The following VGLL4 variants were observed in gnomAD, a reference collection of about 807,000 sequenced individuals.
VGLL4 encodes the protein transcription cofactor vestigial-like protein 4.
Under a neutral mutation model 21.0 loss-of-function variants are expected in VGLL4, and 7 were observed. That is an observed-to-expected ratio of 0.33 (90% CI 0.19 to 0.63). VGLL4 has a LOEUF of 0.63. Ranked by LOEUF, VGLL4 falls within the 20% of genes least tolerant of loss-of-function variation. The pLI, the probability that VGLL4 is intolerant of heterozygous loss-of-function variation, is 0.78. For missense variants in VGLL4, 394 were observed against 425.7 expected (o/e 0.93, Z 0.66); for synonymous variants, 222 against 173.2 (o/e 1.28, Z -2.21).
upstream of VGLL4, among the ~76,000 whole-genome samples, chr3:11,720,950 C>T (rs1263406346): frequency 6.6e-6 from 1 of 152,232 alleles, no homozygotes; most frequent in Non-Finnish European, 1.5e-5. Flanking sequence ...AACCCTTGCC[C>T]TGTTGTTTTC....
intron 1 of VGLL4, among the ~76,000 whole-genome samples, chr3:11,610,942 G>A (rs972227424): frequency 2.0e-5 from 3 of 152,288 alleles, no homozygotes; most frequent in Non-Finnish European, 4.4e-5. Flanking sequence ...CCTTGCAGCC[G>A]GGGAAACTAG....
At chr3:11,711,405 G>A (rs1020899998) in intron 1 of VGLL4, among the ~76,000 whole-genome samples, 1 of 151,700 alleles carries the variant, frequency 6.6e-6, no homozygotes, top group African/African-American at 2.4e-5. Flanking sequence ...TCGACTAAAA[G>A]TACAAAAAAT....
intron 1 of VGLL4, among the ~76,000 whole-genome samples, chr3:11,634,690 T>C (rs368357163): frequency 2.9e-5 from 4 of 137,660 alleles, no homozygotes; most frequent in African/African-American, 8.2e-5. Flanking sequence ...TTTTTTTTTT[T>C]CTTTTGAGAC....
intron 2 of VGLL4, among the ~76,000 whole-genome samples, chr3:11,663,181 G>A (rs1263053372): frequency 6.6e-6 from 1 of 152,094 alleles, no homozygotes; most frequent in East Asian, 1.9e-4. Context: ...GATAAAGGGG[G>A]CTGGAGGATG....
At position 11,703,054 on chromosome 3, in the gene VGLL4, G is replaced by C. The variant is rs767364501; in HGVS notation, c.-13-7C>G. On this transcript the variant is annotated splice_polypyrimidine_tract_variant and splice_region_variant and intron_variant, in intron 1 of 5. Transcript: ENST00000273038. The stretch of plus-strand genomic sequence containing the variant: ...CTCCATTCCTGGTTGGAGCCTAAGA[G>C]GAAAAAATAAAAGGGGAAAAAATAA... 2.9e-5 allele frequency: 45 copies of C among 1,560,690 alleles called. No individual in the cohort carries two copies. The South Asian group carries it at 4.8e-4, about 17-fold the overall frequency.
chr3:11,584,445 CGA>C (rs1037579880), intron 2 of VGLL4, among the ~76,000 whole-genome samples: 12 of 151,672 alleles, frequency 7.9e-5, no homozygotes, highest in African/African-American at 2.9e-4. Flanking sequence ...GGGAAGATGC[CGA>C]GAGAGAGACA....
At chr3:11,669,136 G>T (rs1482450476) in intron 2 of VGLL4, among the ~76,000 whole-genome samples, 3 of 152,204 alleles carry the variant, frequency 2.0e-5, no homozygotes, top group Admixed American at 2.0e-4. Flanking sequence ...TAGCCACATG[G>T]CTTAGAATAA....
At chr3:11,644,212 C>A (rs2075751604), upstream of VGLL4, among the ~76,000 whole-genome samples, 1 of 152,166 alleles carries the variant, frequency 6.6e-6, no homozygotes, top group Non-Finnish European at 1.5e-5. Flanking sequence ...TGGAAGCAAA[C>A]TCCCATGGAA....
At chr3:11,561,080 G>A (rs1439551220) in intron 3 of VGLL4, among the ~76,000 whole-genome samples, 1 of 152,022 alleles carries the variant, frequency 6.6e-6, no homozygotes, top group African/African-American at 2.4e-5. Flanking sequence ...AGATGGCCAG[G>A]CCCTTCCTGA....
intron 2 of VGLL4, chr3:11,582,157 G>GA: frequency 9.0e-7 from 1 of 1,111,460 alleles, no homozygotes; most frequent in Non-Finnish European, 1.3e-6. Context: ...TCTAAGCAAA[G>GA]ACTACTCTAC....
At chr3:11,666,898 C>T (rs1199343134) in intron 2 of VGLL4, among the ~76,000 whole-genome samples, 1 of 152,210 alleles carries the variant, frequency 6.6e-6, no homozygotes, top group African/African-American at 2.4e-5. Context: ...TGCATGCGCT[C>T]TCCTATCTGC....
Position 11,601,891 on chromosome 3 carries a change from C to CGTTGT in VGLL4, c.213_214insACAAC (p.Asp72ThrfsTer4), listed in dbSNP as rs1423206321. On this transcript the variant is annotated frameshift_variant, in exon 2 of 5. Coordinates refer to ENST00000430365, the MANE Select transcript of VGLL4 (RefSeq NM_001128219.3). LOFTEE classifies it high-confidence loss of function. ...ACGTGGTCGTTGTCACAGTCTAGGT[C>CGTTGT]CTCGTCACCTGGCTCCATGCTGAAC... is the stretch of plus-strand genomic sequence containing the variant. 1.2e-6 allele frequency: 2 copies of CGTTGT among 1,613,716 alleles called. No individual in the cohort carries two copies. Among genetic ancestry groups the CGTTGT allele is most frequent in the African/African-American group, 2.7e-5 (2 of 74,876 alleles).
At chr3:11,706,840 A>T (rs967531933) in intron 1 of VGLL4, among the ~76,000 whole-genome samples, 1 of 152,174 alleles carries the variant, frequency 6.6e-6, no homozygotes, top group Non-Finnish European at 1.5e-5. Context: ...CTGACTAGCT[A>T]GAACTGAAAA....
intron 1 of VGLL4, among the ~76,000 whole-genome samples, chr3:11,709,974 T>G (rs758341327): frequency 6.6e-6 from 1 of 152,212 alleles, no homozygotes; most frequent in Non-Finnish European, 1.5e-5. Flanking sequence ...TCTGCTCAGC[T>G]TCTGGTGAGA....
rs1379111512 is a variant in VGLL4, at chr3:11,643,909, G to A, written c.-391C>T. On this transcript the variant is annotated 5_prime_UTR_variant, in exon 1 of 5. Coordinates refer to ENST00000430365, the MANE Select transcript of VGLL4 (RefSeq NM_001128219.3). ...CTGCAAGCCGGCAGCGCTGACATGA[G>A]GGCTATGCTTGGCATGACTCCTATG... 2.3e-5 allele frequency: 23 copies of A among 1,016,226 alleles called. No homozygotes were observed. The highest frequency in any genetic ancestry group is 3.5e-5 in the African/African-American group (2 of 57,704). 63.0% of individuals were successfully genotyped at this position (1,016,226 alleles called of 1,614,324 possible). A position where few individuals can be genotyped will look rare whatever the true frequency, so the allele number is the denominator to read the frequency against.
At position 11,719,119 on chromosome 3, in the gene VGLL4, G is replaced by C. The variant is rs1276470211; in HGVS notation, c.-14+1275C>G. ...GGACCGGGCAGGAAGCACAGGAAGA[G>C]TACGGTGCCCCTTCCCGCAGTCCAC... On this transcript the variant is annotated intron_variant, in intron 1 of 5. Coordinates refer to the VGLL4 transcript ENST00000273038. This position sits in a 1 kb window ranked among gnomAD's most constrained non-coding sequence, Gnocchi z 4.0. 6.6e-6 allele frequency among the ~76,000 whole-genome samples: 1 copy of C among 152,184 alleles called. No homozygotes were observed. Among genetic ancestry groups the C allele is most frequent in the Non-Finnish European group, 1.5e-5 (1 of 68,014 alleles).
chr3:11,683,559 A>G (rs188953115), intron 2 of VGLL4, among the ~76,000 whole-genome samples: 1 of 152,342 alleles, frequency 6.6e-6, no homozygotes, highest in Non-Finnish European at 1.5e-5. Flanking sequence ...ATGAGTGGAT[A>G]AAGAAAATGC....
chr3:11,571,331 C>T (rs2073766446), intron 2 of VGLL4, among the ~76,000 whole-genome samples: 1 of 152,312 alleles, frequency 6.6e-6, no homozygotes, highest in Admixed American at 6.5e-5. Context: ...AGTGCGAATG[C>T]CGCCACAGCC....
intron 2 of VGLL4, among the ~76,000 whole-genome samples, chr3:11,577,054 C>G (rs2074072657): frequency 6.6e-6 from 1 of 152,200 alleles, no homozygotes; most frequent in African/African-American, 2.4e-5. Context: ...TAGAGTCAGA[C>G]AGAGGAGCTC....
Sources: allele counts gnomAD v4.1 joint callset (sites outside exome capture counted in the v4.1 genomes callset), GRCh38; gene constraint gnomAD v4.1.1; non-coding constraint Gnocchi (gnomAD v3.1); transcripts MANE v1.5; gene names NCBI Gene and HGNC (gene_info 2026-07-23, HGNC 2026-07-21).